The following TRPS1 variants were observed in gnomAD, a reference collection of about 807,000 sequenced individuals.
TRPS1 encodes the protein transcriptional repressor GATA binding 1.
TRPS1 carries 6 observed loss-of-function variants against 101.2 expected under a neutral mutation model. The ratio of observed to expected loss-of-function variants is 0.06; its 90% CI spans 0.03 to 0.12. TRPS1 has a LOEUF of 0.12. Ranked by LOEUF, TRPS1 falls within the 10% of genes least tolerant of loss-of-function variation. The pLI, the probability that TRPS1 is intolerant of heterozygous loss-of-function variation, is 1.00. For missense variants in TRPS1, 1,363 were observed against 1,567.0 expected (o/e 0.87, Z 2.20); for synonymous variants, 578 against 589.8 (o/e 0.98, Z 0.29).
At chr8:115,513,967 G>A (rs1226330629) in intron 5 of TRPS1, among the ~76,000 whole-genome samples, 3 of 151,584 alleles carry the variant, frequency 2.0e-5, no homozygotes, top group East Asian at 1.9e-4. Context: ...TATGACCTAG[G>A]TAACAAAAGA....
At chr8:115,601,052 C>T (rs941488871) in intron 4 of TRPS1, among the ~76,000 whole-genome samples, 6 of 152,148 alleles carry the variant, frequency 3.9e-5, no homozygotes, top group Non-Finnish European at 5.9e-5. Context: ...ACAGAATCGA[C>T]ACTGAGGTTT....
intron 4 of TRPS1, among the ~76,000 whole-genome samples, chr8:115,587,842 ACACACACACACACGCATCGTGCACG>A (rs1429614640): frequency 6.6e-6 from 1 of 152,196 alleles, no homozygotes; most frequent in East Asian, 1.9e-4. Context: ...AGACACACAC[ACACACACACACACGCATCGTGCACG>A]CACGCACGCA....
intron 5 of TRPS1, among the ~76,000 whole-genome samples, chr8:115,533,336 G>A (rs1052286491): frequency 4.6e-5 from 7 of 151,266 alleles, no homozygotes; most frequent in African/African-American, 1.5e-4. Context: ...TGTCAATTAC[G>A]GTAAATCCTG....
At chr8:115,638,134 A>G (rs1046003612) in intron 1 of TRPS1, among the ~76,000 whole-genome samples, 1 of 152,098 alleles carries the variant, frequency 6.6e-6, no homozygotes, top group African/African-American at 2.4e-5. Flanking sequence ...AACACAACAC[A>G]CCTCTTTAAT....
chr8:115,549,671 TAAAA>T (rs36083510), intron 5 of TRPS1, among the ~76,000 whole-genome samples: 1 of 114,136 alleles, frequency 8.8e-6, no homozygotes. Flanking sequence ...AATACTCTAT[TAAAA>T]AAAAAAAAAA....
intron 5 of TRPS1, among the ~76,000 whole-genome samples, chr8:115,550,397 G>A (rs1280388119): frequency 2.6e-5 from 4 of 152,164 alleles, no homozygotes; most frequent in African/African-American, 4.8e-5. Flanking sequence ...TAGCTGTGGG[G>A]CTTTGGGTAA....
At chr8:115,569,030 G>A (rs1351182863) in intron 5 of TRPS1, among the ~76,000 whole-genome samples, 2 of 152,084 alleles carry the variant, frequency 1.3e-5, no homozygotes, top group Admixed American at 1.3e-4. Flanking sequence ...TAACAAAGTG[G>A]AGTTTCATTT....
intron 5 of TRPS1, among the ~76,000 whole-genome samples, chr8:115,487,463 G>A (rs566896993): frequency 7.9e-5 from 12 of 152,160 alleles, no homozygotes; most frequent in African/African-American, 2.2e-4. Flanking sequence ...AGGCTGAAGC[G>A]GCCATAGATA....
In TRPS1 at chr8:115,540,950, A is replaced by C. The variant is rs73373219; in HGVS notation, c.2700+46051T>G. ...CTTAATCTGACACCTCAAGTGATAC[A>C]TTTTTATTAAATCTTTCTTTCTGAA... On this transcript the variant is annotated intron_variant, in intron 5 of 6. Coordinates refer to ENST00000395715, the MANE Select transcript of TRPS1 (RefSeq NM_014112.5). Among the ~76,000 whole-genome samples the C allele has an allele frequency of 5.2e-3, 796 of 152,258 alleles. 6 individuals carry two copies. Among genetic ancestry groups the C allele is most frequent in the African/African-American group, 0.018 (763 of 41,568 alleles).
rs1159249231 is a variant in TRPS1, at chr8:115,408,837, CAA to C, written c.*5184_*5185del. On this transcript the variant is annotated 3_prime_UTR_variant, in exon 7 of 7. Coordinates refer to ENST00000395715, the MANE Select transcript of TRPS1 (RefSeq NM_014112.5). Reference sequence around the variant, plus strand: ...AGATGTTCCCCCCTCATGCCTCCCCCAAAGTTTTCCATGTGGTTGTCAAATAG... The same window carrying C: ...AGATGTTCCCCCCTCATGCCTCCCCCAGTTTTCCATGTGGTTGTCAAATAG... The C allele has an allele frequency of 6.6e-6, 1 of 152,174 alleles. No homozygotes were observed. The allele number at this position is 152,174 out of a possible 1,614,324, so 9.4% of individuals were successfully genotyped here. A position where few individuals can be genotyped will look rare whatever the true frequency, so the allele number is the denominator to read the frequency against.
At chr8:115,535,076 AT>A in intron 5 of TRPS1, among the ~76,000 whole-genome samples, 1 of 148,288 alleles carries the variant, frequency 6.7e-6, no homozygotes, top group South Asian at 2.1e-4. Context: ...ATATAAGCAT[AT>A]ATATAGCATA....
At chr8:115,475,924 A>G (rs1814594303) in intron 5 of TRPS1, among the ~76,000 whole-genome samples, 1 of 152,228 alleles carries the variant, frequency 6.6e-6, no homozygotes, top group African/African-American at 2.4e-5. Context: ...ACAAAGAACA[A>G]AAGAAAACAG....
intron 5 of TRPS1, among the ~76,000 whole-genome samples, chr8:115,584,949 T>C (rs1817531976): frequency 6.6e-6 from 1 of 152,188 alleles, no homozygotes; most frequent in Non-Finnish European, 1.5e-5. Context: ...TTAAAAGATT[T>C]AAATTTTATT....
chr8:115,512,749 T>A (rs1815616491), intron 5 of TRPS1, among the ~76,000 whole-genome samples: 1 of 151,730 alleles, frequency 6.6e-6, no homozygotes, highest in Admixed American at 6.6e-5. Flanking sequence ...ATTCCATAAA[T>A]ATATGGTCAT....
At chr8:115,633,947 T>G (rs1010423685) in intron 1 of TRPS1, among the ~76,000 whole-genome samples, 4 of 152,184 alleles carry the variant, frequency 2.6e-5, no homozygotes, top group Non-Finnish European at 4.4e-5. Flanking sequence ...TGGTTAATAT[T>G]TTCTTAAGAC....
At chr8:115,530,705 A>C (rs1040616846) in intron 5 of TRPS1, among the ~76,000 whole-genome samples, 1 of 152,176 alleles carries the variant, frequency 6.6e-6, no homozygotes, top group Admixed American at 6.5e-5. Context: ...GACAGACTGG[A>C]TTAAGAAAAT....
chr8:115,573,893 A>G (rs566531344), intron 5 of TRPS1, among the ~76,000 whole-genome samples: 2 of 152,290 alleles, frequency 1.3e-5, no homozygotes, highest in East Asian at 3.9e-4. Flanking sequence ...TCACCTGCTA[A>G]AAGTCCAGTC....
At chr8:115,466,080 A>G (rs928994693) in intron 5 of TRPS1, among the ~76,000 whole-genome samples, 2 of 152,116 alleles carry the variant, frequency 1.3e-5, no homozygotes, top group Non-Finnish European at 2.9e-5. Flanking sequence ...AACGTTCTAT[A>G]TATTATCGCC....
intron 5 of TRPS1, among the ~76,000 whole-genome samples, chr8:115,459,064 G>A (rs1292778729): frequency 1.3e-5 from 2 of 152,038 alleles, no homozygotes; most frequent in Admixed American, 6.6e-5. Flanking sequence ...TTAGCCAGGC[G>A]TGGTGGCTCA....
Sources: allele counts gnomAD v4.1 joint callset (sites outside exome capture counted in the v4.1 genomes callset), GRCh38; gene constraint gnomAD v4.1.1; transcripts MANE v1.5; gene names NCBI Gene and HGNC (gene_info 2026-07-23, HGNC 2026-07-21).